SORCS1: variants seen among roughly 807,000 people sequenced by gnomAD.
The protein encoded by SORCS1 is sortilin related VPS10 domain containing receptor 1, also known as VPS10 domain-containing receptor SorCS1.
A neutral mutation model predicts 146.1 loss-of-function variants in SORCS1; 60 were observed. The ratio of observed to expected loss-of-function variants is 0.41; its 90% confidence interval spans 0.33 to 0.51. The LOEUF (loss-of-function observed/expected upper bound fraction) is 0.51. Ranked by LOEUF, SORCS1 falls within the 20% of genes least tolerant of loss-of-function variation. SORCS1 has a pLI of 0.21. For missense variants in SORCS1, 1,352 were observed against 1,487.6 expected (o/e 0.91, Z 1.50); for synonymous variants, 637 against 584.0 (o/e 1.09, Z -1.31).
In SORCS1 at chr10:107,035,486, T is replaced by A. The variant is rs542518189; in HGVS notation, c.559-78906A>T. Among the ~76,000 whole-genome samples the A allele has an allele frequency of 2.0e-5, 3 of 152,224 alleles. No individual in the cohort carries two copies. The South Asian group carries it at 6.2e-4, about 32-fold the overall frequency. On this transcript the variant is annotated intron_variant, in intron 1 of 25. Coordinates refer to ENST00000263054, the MANE Select transcript of SORCS1 (RefSeq NM_052918.5). ...CCAGCAGAACCATGCTTTTGCAGAATGGAGTGAAAAAACTCTCATATTTAT... is the reference window on the plus strand; with the variant it reads ...CCAGCAGAACCATGCTTTTGCAGAAAGGAGTGAAAAAACTCTCATATTTAT...
At chr10:107,106,600 C>G (rs1203806692) in intron 1 of SORCS1, among the ~76,000 whole-genome samples, 1 of 152,084 alleles carries the variant, frequency 6.6e-6, no homozygotes, top group African/African-American at 2.4e-5. Context: ...AAGGAAAAAT[C>G]ACACTCAGCT....
At chr10:106,768,262 A>G (rs1859730977) in intron 4 of SORCS1, among the ~76,000 whole-genome samples, 1 of 152,250 alleles carries the variant, frequency 6.6e-6, no homozygotes, top group Admixed American at 6.5e-5. Context: ...GACACTGGGA[A>G]ATTTCAAGCA....
At chr10:106,655,084 T>G (rs1850181838) in intron 17 of SORCS1, among the ~76,000 whole-genome samples, 1 of 152,210 alleles carries the variant, frequency 6.6e-6, no homozygotes, top group Admixed American at 6.5e-5. Flanking sequence ...CTCAAACTCC[T>G]GGCTTCCAGG....
intron 2 of SORCS1, among the ~76,000 whole-genome samples, chr10:106,843,439 T>TTG: frequency 6.8e-6 from 1 of 146,652 alleles, no homozygotes; most frequent in Middle Eastern, 3.4e-3. Flanking sequence ...CTTTTTTTTT[T>TTG]TTTTTTTTGT....
chr10:106,995,600 A>T (rs533455950), intron 1 of SORCS1, among the ~76,000 whole-genome samples: 3 of 152,252 alleles, frequency 2.0e-5, no homozygotes, highest in South Asian at 2.1e-4. Flanking sequence ...TGTTCATAAA[A>T]GTTATCCGAA....
chr10:106,703,673 C>T (rs1044059911), intron 8 of SORCS1, among the ~76,000 whole-genome samples: 2 of 152,184 alleles, frequency 1.3e-5, no homozygotes, highest in Non-Finnish European at 2.9e-5. Flanking sequence ...CATAAAAGTG[C>T]TGGTTTGTCT....
intron 1 of SORCS1, among the ~76,000 whole-genome samples, chr10:107,065,996 T>G (rs1175935594): frequency 6.6e-6 from 1 of 152,158 alleles, no homozygotes; most frequent in African/African-American, 2.4e-5. Flanking sequence ...ACCAATACCT[T>G]CTCATTCTAA....
intron 1 of SORCS1, among the ~76,000 whole-genome samples, chr10:107,044,512 TAAAAAAAAAA>T (rs59253149): frequency 1.4e-5 from 1 of 74,060 alleles, no homozygotes; most frequent in African/African-American, 5.5e-5. Context: ...TTCTAATTTG[TAAAAAAAAAA>T]AAAAAAAAAA....
intron 2 of SORCS1, among the ~76,000 whole-genome samples, chr10:106,928,779 A>G (rs1448653919): frequency 6.6e-6 from 1 of 152,080 alleles, no homozygotes; most frequent in Non-Finnish European, 1.5e-5. Context: ...GAAAGGCTAA[A>G]AGGTGTCTCA....
intron 4 of SORCS1, among the ~76,000 whole-genome samples, chr10:106,776,060 G>T (rs1860410599): frequency 1.3e-5 from 2 of 152,106 alleles, no homozygotes; most frequent in African/African-American, 4.8e-5. Context: ...TCTGCATAAG[G>T]TTACCTATAT....
chr10:107,000,236 A>C (rs1280384245), intron 1 of SORCS1, among the ~76,000 whole-genome samples: 1 of 152,198 alleles, frequency 6.6e-6, no homozygotes, highest in Non-Finnish European at 1.5e-5. Context: ...GTTGATGTCA[A>C]AGTGGTCCTG....
At position 106,706,564 on chromosome 10, in the gene SORCS1, G is replaced by A. The variant is rs1410171543; in HGVS notation, c.1214C>T (p.Pro405Leu). Residue 405 changes from proline to leucine, a missense_variant, in exon 8 of 26, where the codon CCG (proline) becomes CTG (leucine). Pro to Leu is a moderately conservative substitution (Grantham distance 98). This residue lies in a region of SORCS1 where 648 missense variants were observed against 793.8 expected (regional missense o/e 0.82). Transcript: ENST00000263054. Reference sequence around the variant, plus strand: ...CCATACCTTGGGCAAAGCATATTTCGGAAGCTTCATTTGGGCAAATGCATT... The same window carrying A: ...CCATACCTTGGGCAAAGCATATTTCAGAAGCTTCATTTGGGCAAATGCATT... ...RRNAFAQMKL[P>L]KYALPKDMHV... 3.7e-6 allele frequency: 6 copies of A among 1,614,000 alleles called. No individual in the cohort carries two copies. The highest frequency in any genetic ancestry group is 1.3e-5 in the African/African-American group (1 of 74,916).
chr10:106,791,888 T>A (rs969229240), intron 3 of SORCS1, among the ~76,000 whole-genome samples: 1 of 152,172 alleles, frequency 6.6e-6, no homozygotes, highest in African/African-American at 2.4e-5. Context: ...CCACTTTCAT[T>A]CCTAATGACA....
chr10:106,660,598 T>C (rs1850649141), intron 17 of SORCS1, among the ~76,000 whole-genome samples: 1 of 152,220 alleles, frequency 6.6e-6, no homozygotes, highest in African/African-American at 2.4e-5. Flanking sequence ...ACTGTATATT[T>C]GTAAATAGAT....
intron 2 of SORCS1, among the ~76,000 whole-genome samples, chr10:106,922,125 T>A (rs1952744012): frequency 6.6e-6 from 1 of 152,230 alleles, no homozygotes; most frequent in South Asian, 2.1e-4. Context: ...TGAACAAAGC[T>A]TACATTAGAG....
At chr10:106,585,572 C>T (rs571164745) in intron 24 of SORCS1, among the ~76,000 whole-genome samples, 43 of 152,306 alleles carry the variant, frequency 2.8e-4, no homozygotes, top group African/African-American at 9.4e-4. Context: ...ATATGGATTA[C>T]ATTGCTGGCT....
intron 1 of SORCS1, among the ~76,000 whole-genome samples, chr10:107,087,516 C>T (rs761466236): frequency 9.9e-5 from 15 of 152,214 alleles, no homozygotes; most frequent in Admixed American, 3.3e-4. Flanking sequence ...TAGTCACTAA[C>T]TTCTCTCTAA....
intron 2 of SORCS1, among the ~76,000 whole-genome samples, chr10:106,882,131 T>C (rs1950824262): frequency 6.6e-6 from 1 of 152,228 alleles, no homozygotes. Flanking sequence ...GTTCCACCAT[T>C]ATGCTGTGAA....
At chr10:107,089,844 G>GT (rs1246155561) in intron 1 of SORCS1, among the ~76,000 whole-genome samples, 3 of 152,152 alleles carry the variant, frequency 2.0e-5, no homozygotes, top group Non-Finnish European at 4.4e-5. Flanking sequence ...TCAAGTTACT[G>GT]TAAGTTCTTA....
Sources: allele counts gnomAD v4.1 joint callset (sites outside exome capture counted in the v4.1 genomes callset), GRCh38; gene constraint gnomAD v4.1.1; regional missense constraint gnomAD v4.1.1; transcripts MANE v1.5; gene names NCBI Gene and HGNC (gene_info 2026-07-23, HGNC 2026-07-21).